Variants in FBN2 observed in about 807,000 individuals in gnomAD.
FBN2 encodes the protein fibrillin-2.
Under a neutral mutation model 355.6 loss-of-function variants are expected in FBN2, and 105 were observed. The observed-to-expected ratio is 0.30, with a 90% CI of 0.25 to 0.35. The LOEUF (loss-of-function observed/expected upper bound fraction) is 0.35, where lower values mean the gene tolerates loss of function less well. Ranked by LOEUF, FBN2 falls within the 10% of genes least tolerant of loss-of-function variation. The pLI is 1.00. For missense variants in FBN2, 3,280 were observed against 3,758.7 expected, an observed-to-expected ratio of 0.87 and a Z score of 3.33; for synonymous variants, 1,350 against 1,301.2, an observed-to-expected ratio of 1.04 and a Z score of -0.81.
At chr5:128,522,257 T>C (rs1756451421) in intron 4 of FBN2, among the ~76,000 whole-genome samples, 4 of 152,194 alleles carry the variant, frequency 2.6e-5, no homozygotes, top group Admixed American at 2.0e-4. Context: ...CCCTGTCACC[T>C]ACTGTGGTAT....
At chr5:128,409,952 T>C (rs1753022178) in intron 7 of FBN2, among the ~76,000 whole-genome samples, 1 of 152,208 alleles carries the variant, frequency 6.6e-6, no homozygotes, top group Non-Finnish European at 1.5e-5. Flanking sequence ...ATTATTTTTT[T>C]CCATTTATTC....
chr5:128,453,551 G>C (rs532761677), intron 6 of FBN2, among the ~76,000 whole-genome samples: 1 of 152,138 alleles, frequency 6.6e-6, no homozygotes, highest in African/African-American at 2.4e-5. Context: ...TGAGATAAGA[G>C]AGAAGTATAT....
At chr5:128,487,023 A>C (rs1755356674) in intron 5 of FBN2, among the ~76,000 whole-genome samples, 1 of 151,996 alleles carries the variant, frequency 6.6e-6, no homozygotes, top group African/African-American at 2.4e-5. Flanking sequence ...CCAATATCCA[A>C]TTTTCCTCTC....
At chr5:128,389,526 A>C (rs1323667495) in intron 11 of FBN2, among the ~76,000 whole-genome samples, 1 of 152,172 alleles carries the variant, frequency 6.6e-6, no homozygotes, top group Non-Finnish European at 1.5e-5. Flanking sequence ...CATGGGCAAG[A>C]CTGCTCTGCT....
intron 19 of FBN2, among the ~76,000 whole-genome samples, chr5:128,357,702 A>T (rs1561787601): frequency 1.3e-5 from 2 of 152,176 alleles, no homozygotes; most frequent in East Asian, 3.8e-4. Context: ...ACATAATAAG[A>T]TGCAATTCCA....
At chr5:128,368,843 A>ATTT (rs78265398) in intron 16 of FBN2, among the ~76,000 whole-genome samples, 30 of 139,192 alleles carry the variant, frequency 2.2e-4, no homozygotes, top group African/African-American at 4.0e-4. Flanking sequence ...GCTAATTAAG[A>ATTT]TTTTTTTTTT....
chr5:128,473,263 A>G (rs1754919594), intron 5 of FBN2, among the ~76,000 whole-genome samples: 1 of 152,200 alleles, frequency 6.6e-6, no homozygotes, highest in Non-Finnish European at 1.5e-5. Flanking sequence ...ACTCTCTCCA[A>G]TGCAGAGTAG....
At chr5:128,304,694 A>C (rs550525854) in intron 45 of FBN2, among the ~76,000 whole-genome samples, 1 of 152,196 alleles carries the variant, frequency 6.6e-6, no homozygotes, top group African/African-American at 2.4e-5. Context: ...AGCCATGTGA[A>C]CATCTTCTGG....
At chr5:128,273,703 CA>C in intron 61 of FBN2, 136 bp downstream of exon 61, 1 of 841,854 alleles carries the variant, frequency 1.2e-6, no homozygotes, top group Non-Finnish European at 1.9e-6. Flanking sequence ...AATTTATGAC[CA>C]GGAATAAGTT....
intron 20 of FBN2, among the ~76,000 whole-genome samples, chr5:128,351,869 C>G (rs919909169): frequency 1.4e-5 from 2 of 146,396 alleles, no homozygotes; most frequent in Non-Finnish European, 3.0e-5. Context: ...CCCCGCCCTT[C>G]TTTTTTTTTT....
intron 6 of FBN2, among the ~76,000 whole-genome samples, chr5:128,452,216 T>C (rs901139477): frequency 1.3e-5 from 2 of 152,162 alleles, no homozygotes; most frequent in African/African-American, 2.4e-5. Flanking sequence ...CTACTAATGA[T>C]TGATTAATTC....
intron 5 of FBN2, among the ~76,000 whole-genome samples, chr5:128,478,754 A>G (rs995563220): frequency 1.3e-5 from 2 of 152,214 alleles, no homozygotes; most frequent in African/African-American, 4.8e-5. Flanking sequence ...ATGCCAAAAC[A>G]GGATTCTGTG....
intron 7 of FBN2, among the ~76,000 whole-genome samples, chr5:128,431,199 A>T (rs2127030787): frequency 6.6e-6 from 1 of 152,360 alleles, no homozygotes; most frequent in South Asian, 2.1e-4. Flanking sequence ...ATTTATTGTT[A>T]TCTTAGTGGG....
At chr5:128,479,451 T>C (rs984398300) in intron 5 of FBN2, among the ~76,000 whole-genome samples, 1 of 152,102 alleles carries the variant, frequency 6.6e-6, no homozygotes, top group Non-Finnish European at 1.5e-5. Flanking sequence ...CTAAATACAT[T>C]ACATATTTTT....
At chr5:128,329,286 GTTTC>G (rs930829753) in intron 33 of FBN2, among the ~76,000 whole-genome samples, 2 of 152,102 alleles carry the variant, frequency 1.3e-5, no homozygotes, top group East Asian at 1.9e-4. Flanking sequence ...AATGGGGAAA[GTTTC>G]TTTCATGTCA....
chr5:128,261,440 A>C (rs1764962190), intron 64 of FBN2, among the ~76,000 whole-genome samples: 1 of 152,234 alleles, frequency 6.6e-6, no homozygotes, highest in African/African-American at 2.4e-5. Context: ...TTTTTGAATC[A>C]TGTAAAAATA....
Position 128,400,258 on chromosome 5 carries a change from C to A in FBN2, c.1079-4984G>T, listed in dbSNP as rs551501246. Among the ~76,000 whole-genome samples the A allele has an allele frequency of 8.6e-5, 13 of 150,532 alleles. 1 individual carries two copies. The East Asian group carries it at 2.5e-3, about 29-fold the overall frequency. On this transcript the variant is annotated intron_variant, in intron 8 of 64. Transcript: ENST00000262464. The stretch of plus-strand genomic sequence containing the variant: ...CAAAAGAAAATATTTAGAAATAGAC[C>A]ACAAATAAAGAAAAAAAAATAGAGT...
At chr5:128,505,847 GA>G in intron 5 of FBN2, among the ~76,000 whole-genome samples, 1 of 152,218 alleles carries the variant, frequency 6.6e-6, no homozygotes, top group Admixed American at 6.5e-5. Context: ...TGCACTGTAT[GA>G]ATATACAACT....
rs32210 is a variant in FBN2, at chr5:128,287,513, C to T, written c.6758-83G>A. On this transcript the variant is annotated intron_variant, in intron 53 of 64. Coordinates refer to ENST00000262464, the MANE Select transcript of FBN2 (RefSeq NM_001999.4). ...CTAAATGTTGATGTCATTTACTTGG[C>T]GGTCATACACAAAGCAATAGAATAG... is the stretch of plus-strand genomic sequence containing the variant. 113,647 of 1,479,600 alleles carry T rather than the reference C, an allele frequency of 0.077. 12,174 individuals carry two copies. Among genetic ancestry groups the T allele is most frequent in the East Asian group, 0.6 (26,221 of 43,560 alleles). 91.7% of individuals were successfully genotyped at this position (1,479,600 alleles called of 1,614,324 possible). A position where few individuals can be genotyped will look rare whatever the true frequency, so the allele number is the denominator to read the frequency against.
Sources: gnomAD v4.1 joint callset for allele counts (sites outside exome capture counted in the v4.1 genomes callset) on GRCh38, gnomAD v4.1.1 for gene constraint, MANE v1.5 for transcripts, NCBI Gene and HGNC (gene_info 2026-07-23, HGNC 2026-07-21) for gene names.